Variants in LINGO2 observed in about 807,000 individuals in gnomAD.
The protein encoded by LINGO2 is leucine rich repeat and Ig domain containing 2.
Under a neutral mutation model 30.6 loss-of-function variants are expected in LINGO2, and 14 were observed. That is an observed-to-expected ratio of 0.46 (90% CI 0.30 to 0.72). The LOEUF is 0.72. Among genes scored for constraint, LINGO2 ranks in the 30% least tolerant of loss-of-function variants. The pLI, the probability that LINGO2 is intolerant of heterozygous loss-of-function variation, is 0.07. For missense variants in LINGO2, 729 were observed against 751.7 expected (o/e 0.97, Z 0.35); for synonymous variants, 317 against 288.5 (o/e 1.10, Z -1.00).
At chr9:28,913,089 C>T in the LINGO2 span, among the ~76,000 whole-genome samples, 1 of 152,188 alleles carries the variant, frequency 6.6e-6, no homozygotes, top group East Asian at 1.9e-4. Context: ...TTCAACTGAT[C>T]TAGACAATAA....
At chr9:28,839,214 G>C in the LINGO2 span, among the ~76,000 whole-genome samples, 2 of 152,296 alleles carry the variant, frequency 1.3e-5, no homozygotes, top group African/African-American at 4.8e-5. Flanking sequence ...AGATCTGTTT[G>C]TGTTACACCT....
At chr9:28,575,596 C>T (rs1823933783) in intron 1 of LINGO2, among the ~76,000 whole-genome samples, 1 of 151,842 alleles carries the variant, frequency 6.6e-6, no homozygotes. Context: ...GTATACTATG[C>T]CCGCTACCTG....
At chr9:29,112,801 T>A in the LINGO2 span, among the ~76,000 whole-genome samples, 1 of 152,196 alleles carries the variant, frequency 6.6e-6, no homozygotes, top group South Asian at 2.1e-4. Flanking sequence ...AAAGGAGTCT[T>A]TAACATTGAA....
chr9:28,791,901 T>C, the LINGO2 span, among the ~76,000 whole-genome samples: 1 of 151,600 alleles, frequency 6.6e-6, no homozygotes, highest in African/African-American at 2.4e-5. Flanking sequence ...ACACTGGATA[T>C]TACAGGAATA....
chr9:29,007,919 T>G, the LINGO2 span, among the ~76,000 whole-genome samples: 1 of 152,064 alleles, frequency 6.6e-6, no homozygotes, highest in East Asian at 1.9e-4. Flanking sequence ...CCGTAATATT[T>G]GTTTTTTATT....
the LINGO2 span, among the ~76,000 whole-genome samples, chr9:28,773,840 C>T: frequency 6.6e-6 from 1 of 151,990 alleles, no homozygotes; most frequent in African/African-American, 2.4e-5. Flanking sequence ...TTTTTCAGTC[C>T]TCAGGAGTCC....
the LINGO2 span, among the ~76,000 whole-genome samples, chr9:28,985,590 A>T: frequency 6.6e-6 from 1 of 152,006 alleles, no homozygotes; most frequent in Non-Finnish European, 1.5e-5. Flanking sequence ...TTTTGCTTTG[A>T]ACTTAAATTT....
At chr9:28,193,319 G>GA (rs1819888030) in intron 4 of LINGO2, among the ~76,000 whole-genome samples, 2 of 152,032 alleles carry the variant, frequency 1.3e-5, no homozygotes, top group South Asian at 4.2e-4. Flanking sequence ...AGAAATTTTT[G>GA]CATAAAATTC....
intron 3 of LINGO2, among the ~76,000 whole-genome samples, chr9:28,342,383 C>T (rs989819543): frequency 5.3e-5 from 8 of 152,118 alleles, no homozygotes; most frequent in African/African-American, 7.2e-5. Context: ...TTTATCGCTA[C>T]GTGTCATCCC....
chr9:28,310,900 T>G (rs1193953544), intron 3 of LINGO2, among the ~76,000 whole-genome samples: 4 of 152,198 alleles, frequency 2.6e-5, no homozygotes, highest in Admixed American at 2.0e-4. Flanking sequence ...CACATCATTC[T>G]TTTAAGAAGA....
At chr9:28,461,524 A>G (rs982587869) in intron 2 of LINGO2, among the ~76,000 whole-genome samples, 1 of 152,216 alleles carries the variant, frequency 6.6e-6, no homozygotes, top group South Asian at 2.1e-4. Flanking sequence ...GAAAATAAAA[A>G]GAAATGTTAG....
chr9:28,154,101 T>C (rs1828069304), intron 4 of LINGO2, among the ~76,000 whole-genome samples: 1 of 152,098 alleles, frequency 6.6e-6, no homozygotes, highest in South Asian at 2.1e-4. Flanking sequence ...CTGACAACCA[T>C]CCCCATAAAG....
At chr9:28,538,282 C>T (rs1821519649) in intron 1 of LINGO2, among the ~76,000 whole-genome samples, 1 of 151,722 alleles carries the variant, frequency 6.6e-6, no homozygotes, top group African/African-American at 2.4e-5. Context: ...AATGTATTGT[C>T]TATAAAAAGT....
At chr9:29,088,147 T>C in the LINGO2 span, among the ~76,000 whole-genome samples, 6 of 152,128 alleles carry the variant, frequency 3.9e-5, no homozygotes, top group South Asian at 8.3e-4. Flanking sequence ...CATAGTAAAG[T>C]TGAATAATGT....
At chr9:28,702,038 T>C in the LINGO2 span, among the ~76,000 whole-genome samples, 1 of 151,906 alleles carries the variant, frequency 6.6e-6, no homozygotes. Flanking sequence ...TTTCAGATTT[T>C]CTACATAGGA....
At chr9:28,452,666 G>T (rs922700551) in intron 2 of LINGO2, among the ~76,000 whole-genome samples, 4 of 151,806 alleles carry the variant, frequency 2.6e-5, no homozygotes, top group Non-Finnish European at 5.9e-5. Context: ...TTGCATACAA[G>T]AAGTGATTAC....
intron 3 of LINGO2, among the ~76,000 whole-genome samples, chr9:28,310,611 C>A (rs1394630004): frequency 1.3e-5 from 2 of 152,084 alleles, no homozygotes; most frequent in Non-Finnish European, 2.9e-5. Flanking sequence ...CACAAGAAAA[C>A]TTGTGAGGGT....
intron 2 of LINGO2, among the ~76,000 whole-genome samples, chr9:28,447,262 G>A (rs377563678): frequency 1.2e-4 from 19 of 152,156 alleles, no homozygotes; most frequent in East Asian, 5.8e-4. Context: ...ACAGTATTAA[G>A]AGGTGGAGGC....
intron 4 of LINGO2, among the ~76,000 whole-genome samples, chr9:28,266,658 A>G (rs1822761739): frequency 6.6e-6 from 1 of 151,890 alleles, no homozygotes; most frequent in African/African-American, 2.4e-5. Flanking sequence ...GCCATCCTTG[A>G]TATTTGGACA....
Sources: gnomAD v4.1 joint callset for allele counts (sites outside exome capture counted in the v4.1 genomes callset) on GRCh38, gnomAD v4.1.1 for gene constraint, MANE v1.5 for transcripts, NCBI Gene and HGNC (gene_info 2026-07-23, HGNC 2026-07-21) for gene names.